Variants in MYO7B observed in about 807,000 individuals in gnomAD.
The protein encoded by MYO7B is myosin VIIB, also known as unconventional myosin-VIIb.
A neutral mutation model predicts 259.7 loss-of-function variants in MYO7B; 212 were observed. The ratio of observed to expected loss-of-function variants is 0.82; its 90% confidence interval spans 0.73 to 0.91. The LOEUF is 0.91. Among genes scored for constraint, MYO7B ranks in the 40% least tolerant of loss-of-function variants. The pLI, the probability that MYO7B is intolerant of heterozygous loss-of-function variation, is 0.00. For synonymous variants in MYO7B, 1,197 were observed against 1,166.4 expected (o/e 1.03, Z -0.54); for missense variants, 2,732 against 2,813.5 (o/e 0.97, Z 0.66).
intron 16 of MYO7B, among the ~76,000 whole-genome samples, chr2:127,592,119 C>A (rs370550773): frequency 1.3e-5 from 2 of 152,222 alleles, no homozygotes; most frequent in African/African-American, 4.8e-5. Flanking sequence ...CTGGGCCAGG[C>A]GCGGTGGCTC....
Position 127,574,018 on chromosome 2 carries a change from C to G in MYO7B, c.691C>G (p.Arg231Gly). ...CCCCAGCGGGGTGATCGAGGGCGCG[C>G]GCATCGAGCAATTTCTCCTGGAGAA... ...FNPSGVIEGA[R>G]IEQFLLEKSR... Residue 231 changes from arginine to glycine, a missense_variant, in exon 7 of 48, where the codon CGC becomes GGC. Transcript: ENST00000409816. 1 of 1,614,044 alleles carries G rather than the reference C, an allele frequency of 6.2e-7. No individual in the cohort carries two copies. The highest frequency in any genetic ancestry group is 8.5e-7 in the Non-Finnish European group (1 of 1,179,898).
chr2:127,562,361 A>G (rs1042661023), intron 2 of MYO7B, among the ~76,000 whole-genome samples: 13 of 152,054 alleles, frequency 8.5e-5, no homozygotes, highest in African/African-American at 3.1e-4. Context: ...CAGTGGCACG[A>G]TCACAATTCA....
chr2:127,604,275 T>G (rs753493671), intron 19 of MYO7B, among the ~76,000 whole-genome samples: 6 of 152,240 alleles, frequency 3.9e-5, no homozygotes, highest in Non-Finnish European at 8.8e-5. Flanking sequence ...GTGGCTTCTT[T>G]CCTTAAACCT....
At chr2:127,569,695 T>C (rs1678504554) in intron 5 of MYO7B, 94 bp from the exon 6 acceptor site, 1 of 1,469,432 alleles carries the variant, frequency 6.8e-7, no homozygotes, top group Non-Finnish European at 9.2e-7. Flanking sequence ...TCAGACTGGC[T>C]CAGAAAGCAG....
intron 5 of MYO7B, among the ~76,000 whole-genome samples, chr2:127,568,842 G>A (rs1045675386): frequency 1.3e-5 from 2 of 151,632 alleles, no homozygotes; most frequent in Non-Finnish European, 2.9e-5. Flanking sequence ...AGGTTGCAGT[G>A]AGCTGAGATC....
In MYO7B at chr2:127,628,663, C is replaced by A; in HGVS notation, c.4624+128C>A. On this transcript the variant is annotated intron_variant, in intron 34 of 47. Coordinates refer to ENST00000409816, the MANE Select transcript of MYO7B (RefSeq NM_001393586.1). This position sits in a 1 kb window ranked among gnomAD's most constrained non-coding sequence, Gnocchi z 4.8. ...AGGCAAGCAGAGGGAGGGAAGGCCC[C>A]AAAGCTCTGTGGGGGCAGCTTTAGG... 9.5e-7 allele frequency: 1 copy of A among 1,051,972 alleles called. No homozygotes were observed. Among genetic ancestry groups the A allele is most frequent in the Non-Finnish European group, 1.4e-6 (1 of 735,896 alleles). The allele number at this position is 1,051,972 out of a possible 1,614,324, so 65.2% of individuals were successfully genotyped here.
chr2:127,633,017 T>A (rs1220665567), intron 39 of MYO7B, among the ~76,000 whole-genome samples: 3 of 152,188 alleles, frequency 2.0e-5, no homozygotes, highest in Non-Finnish European at 2.9e-5. Context: ...CGGGAGCCCC[T>A]GGCCTGGCCC....
In MYO7B at chr2:127,623,289, T is replaced by A; in HGVS notation, c.3733T>A (p.Ser1245Thr). The A allele has an allele frequency of 6.2e-7, 1 of 1,613,366 alleles. No homozygotes were observed. The change falls in exon 29 of 48, where the codon TCT (serine) becomes ACT (threonine). Residue 1245 changes from serine to threonine, a missense_variant. Ser to Thr is a moderately conservative substitution (Grantham distance 58, BLOSUM62 1). Coordinates refer to ENST00000409816, the MANE Select transcript of MYO7B (RefSeq NM_001393586.1). Reference sequence around the variant, plus strand: ...CGTCCCCGTGGACTCAGCCTCCACATCTCGGGAAATGTGCATGCACATCGC... The same window carrying A: ...CGTCCCCGTGGACTCAGCCTCCACAACTCGGGAAATGTGCATGCACATCGC... ...LTVPVDSAST[S>T]REMCMHIAHK... is the part of the protein sequence containing the mutation.
Position 127,564,161 on chromosome 2 carries a change from C to A in MYO7B, c.27C>A (p.His9Gln), listed in dbSNP as rs372946541. The change falls in exon 3 of 48, where the codon CAC becomes CAA. Residue 9 changes from histidine (H) to glutamine (Q), a missense_variant. Transcript: ENST00000409816. ...TTCTGTCTGCCCTCCAGGGTGACCA[C>A]GTGTGGCTGGAGCCTCCCTCCACCC... MSGFRLGD[H>Q]VWLEPPSTHK... is the part of the protein sequence containing the mutation. 6.4e-7 allele frequency: 1 copy of A among 1,563,898 alleles called. No homozygotes were observed. The highest frequency in any genetic ancestry group is 8.7e-7 in the Non-Finnish European group (1 of 1,154,202).
intron 43 of MYO7B, 70 bp from the exon 44 acceptor site, chr2:127,635,652 G>C (rs1681758008): frequency 2.7e-6 from 4 of 1,475,480 alleles, no homozygotes; most frequent in Non-Finnish European, 3.7e-6. Flanking sequence ...CACCATCTGA[G>C]CGGGAAAGAG....
chr2:127,592,979 C>T, intron 17 of MYO7B, 33 bp downstream of exon 17: 3 of 1,534,296 alleles, frequency 2.0e-6, no homozygotes, highest in Admixed American at 4.0e-5. Context: ...CACCTCTGGC[C>T]ATCCGCGGCC....
intron 16 of MYO7B, among the ~76,000 whole-genome samples, chr2:127,592,511 CTG>C: frequency 6.6e-6 from 1 of 152,326 alleles, no homozygotes; most frequent in Admixed American, 6.5e-5. Flanking sequence ...GATGGGAGTG[CTG>C]TGTTTCTGTG....
intron 3 of MYO7B, 22 bp from the exon 4 acceptor site, chr2:127,565,211 G>T (rs370690700): frequency 1.2e-6 from 2 of 1,608,922 alleles, no homozygotes; most frequent in African/African-American, 2.7e-5. Context: ...CCCCTCAGGG[G>T]AGTCTGCACC....
At position 127,535,954 on chromosome 2, in the gene MYO7B, T is replaced by C. The variant is rs1291455907; in HGVS notation, c.-24+123T>C. 1.3e-5 allele frequency: 2 copies of C among 151,536 alleles called. No individual in the cohort carries two copies. Among genetic ancestry groups the C allele is most frequent in the South Asian group, 2.1e-4 (1 of 4,798 alleles). The allele number at this position is 151,536 out of a possible 1,614,324, so 9.4% of individuals were successfully genotyped here. A position where few individuals can be genotyped will look rare whatever the true frequency, so the allele number is the denominator to read the frequency against. On this transcript the variant is annotated intron_variant, in intron 1 of 47. Coordinates refer to ENST00000409816, the MANE Select transcript of MYO7B (RefSeq NM_001393586.1). This position sits in a 1 kb window ranked among gnomAD's most constrained non-coding sequence, Gnocchi z 4.8. ...TGGAACAGGTCTGAGGGATAGAGAG[T>C]GGAGAAGCCCTTCAGGAGCCTGGAA...
intron 43 of MYO7B, 171 bp from the exon 44 acceptor site, chr2:127,635,551 G>C: frequency 1.3e-6 from 1 of 744,914 alleles, no homozygotes; most frequent in Non-Finnish European, 2.1e-6. Context: ...ATGTCAGGGG[G>C]CCCTGCCCTG....
At position 127,593,625 on chromosome 2, in the gene MYO7B, A is replaced by G; in HGVS notation, c.2225A>G (p.Lys742Arg). 1 of 1,613,682 alleles carries G rather than the reference A, an allele frequency of 6.2e-7. No individual in the cohort carries two copies. The highest frequency in any genetic ancestry group is 8.5e-7 in the Non-Finnish European group (1 of 1,179,804). ...ACAGACAAAGACTGGAAAGCGGGGA[A>G]GACAAAAATTTTCCTGAGGGTGAGA... ...LRTDKDWKAG[K>R]TKIFLRDHQD... Residue 742 changes from lysine to arginine, a missense_variant, in exon 18 of 48, where the codon AAG (lysine) becomes AGG (arginine). By Grantham distance (26) the Lys-to-Arg change is conservative. Around this residue, in one of 3 missense-constraint regions of MYO7B, gnomAD observed 1,906 missense variants for 2,026.4 expected, o/e 0.94. Coordinates refer to ENST00000409816, the MANE Select transcript of MYO7B (RefSeq NM_001393586.1).
intron 47 of MYO7B, 183 bp from the exon 48 acceptor site, chr2:127,637,133 G>T: frequency 1.1e-6 from 1 of 942,810 alleles, no homozygotes; most frequent in Non-Finnish European, 1.7e-6. Flanking sequence ...CCATTCCAAG[G>T]AGGGAGGGAG....
At chr2:127,635,371 G>A (rs1021252755) in intron 43 of MYO7B, 145 bp downstream of exon 43, 8 of 756,912 alleles carry the variant, frequency 1.1e-5, no homozygotes, top group Admixed American at 7.5e-5. Context: ...AAGCCCCTGA[G>A]GGCTCTGGAA....
Position 127,612,342 on chromosome 2 carries a change from C to G in MYO7B, c.3270+15C>G. The G allele has an allele frequency of 7.7e-7, 1 of 1,292,434 alleles. No individual in the cohort carries two copies. Among genetic ancestry groups the G allele is most frequent in the Non-Finnish European group, 1.1e-6 (1 of 924,438 alleles). 80.1% of individuals were successfully genotyped at this position (1,292,434 alleles called of 1,614,324 possible). On this transcript the variant is annotated intron_variant, in intron 25 of 47. Transcript: ENST00000409816. ...TCACAGGCCAGGTGAGCCCAGAGCA[C>G]AGAATCTCTGCTCCCAGCTGCTGCT...
Sources: gnomAD v4.1 joint callset for allele counts (sites outside exome capture counted in the v4.1 genomes callset) on GRCh38, gnomAD v4.1.1 for gene constraint, gnomAD v4.1.1 regional missense constraint, Gnocchi (gnomAD v3.1) non-coding constraint, MANE v1.5 for transcripts, NCBI Gene and HGNC (gene_info 2026-07-23, HGNC 2026-07-21) for gene names.